GPD1: variants seen among roughly 807,000 people sequenced by gnomAD.
GPD1 encodes glycerol-3-phosphate dehydrogenase [NAD(+)], cytoplasmic.
A neutral mutation model predicts 34.4 loss-of-function variants in GPD1; 19 were observed. The observed-to-expected ratio is 0.55, with a 90% CI of 0.39 to 0.81. GPD1 has a LOEUF of 0.81. Ranked by LOEUF, GPD1 falls within the 30% of genes least tolerant of loss-of-function variation. The pLI is 0.00. For synonymous variants in GPD1, 172 were observed against 174.1 expected (o/e 0.99, Z 0.09); for missense variants, 429 against 447.0 (o/e 0.96, Z 0.36).
chr12:50,104,889 C>T (rs1950967905), intron 2 of GPD1, 138 bp downstream of exon 2: 1 of 665,948 alleles, frequency 1.5e-6, no homozygotes, highest in Non-Finnish European at 2.6e-6. Flanking sequence ...AGGAGGGCTG[C>T]TCTGGGCCCT....
At chr12:50,105,402 A>G (rs899416667) in intron 2 of GPD1, 146 bp from the exon 3 acceptor site, 39 of 727,658 alleles carry the variant, frequency 5.4e-5, no homozygotes, top group Non-Finnish European at 6.7e-6. Flanking sequence ...TTATTCCTCC[A>G]AGTTCAGTCC....
Position 50,110,595 on chromosome 12 carries a change from G to A in GPD1, c.*1076G>A, listed in dbSNP as rs1470797435. On this transcript the variant is annotated 3_prime_UTR_variant, in exon 8 of 8. Transcript: ENST00000301149. ...CTGGCATCTGGAAGCCAGCAGGCCA[G>A]AGGGTGGCCCAAAGGCTGATGAACG... 1 of 152,604 alleles carries A rather than the reference G, an allele frequency of 6.6e-6. No individual in the cohort carries two copies. The highest frequency in any genetic ancestry group is 1.5e-5 in the Non-Finnish European group (1 of 68,144). The allele number at this position is 152,604 out of a possible 1,614,324, so 9.5% of individuals were successfully genotyped here.
At chr12:50,105,877 G>T in intron 3 of GPD1, 189 bp downstream of exon 3, 1 of 714,090 alleles carries the variant, frequency 1.4e-6, no homozygotes, top group South Asian at 1.5e-5. Context: ...AAGGGAGGCT[G>T]AAGGGAGGAG....
At chr12:50,107,038 A>G (rs1482625078) in intron 5 of GPD1, 121 bp downstream of exon 5, 3 of 724,782 alleles carry the variant, frequency 4.1e-6, no homozygotes, top group African/African-American at 1.7e-5. Context: ...CCCCTTTCCT[A>G]CCATGTCCCA....
chr12:50,107,485 C>G, intron 5 of GPD1, 82 bp from the exon 6 acceptor site: 1 of 1,049,122 alleles, frequency 9.5e-7, no homozygotes, highest in Non-Finnish European at 1.5e-6. Context: ...GGTGTCACGG[C>G]TGATGAAATG....
Position 50,106,423 on chromosome 12 carries a change from A to G in GPD1, c.496A>G (p.Ile166Val). 1 of 1,613,676 alleles carries G rather than the reference A, an allele frequency of 6.2e-7. No individual in the cohort carries two copies. Among genetic ancestry groups the G allele is most frequent in the South Asian group, 1.1e-5 (1 of 91,072 alleles). ...TGATGAGAAGTTCTGTGAGACAACC[A>G]TTGGTGAGAGCCCCCTGGCACCTGC... ...VADEKFCETT[I>V]GCKDPAQGQL... The change falls in exon 4 of 8, where the codon ATT (isoleucine) becomes GTT (valine). Residue 166 changes from isoleucine (I) to valine (V), a missense_variant. Coordinates refer to ENST00000301149, the MANE Select transcript of GPD1 (RefSeq NM_005276.4).
chr12:50,104,020 A>G lies in GPD1; in HGVS notation c.-31A>G, dbSNP rs1950960058. The G allele has an allele frequency of 6.2e-7, 1 of 1,613,214 alleles. No homozygotes were observed. The highest frequency in any genetic ancestry group is 8.5e-7 in the Non-Finnish European group (1 of 1,179,260). ...CGGCAGAGGAGCTAGGGAGTGTGGC[A>G]CTGAGCCGGCTCAGGCAGAGACGCG... On this transcript the variant is annotated 5_prime_UTR_variant, in exon 1 of 8. Transcript: ENST00000301149.
intron 3 of GPD1, 157 bp downstream of exon 3, chr12:50,105,845 G>A (rs1162762614): frequency 1.3e-6 from 1 of 781,090 alleles, no homozygotes; most frequent in East Asian, 2.7e-5. Flanking sequence ...TAGGAAAGCA[G>A]TGAGGTGCTG....
At chr12:50,106,967 A>C (rs1206787334) in intron 5 of GPD1, 50 bp downstream of exon 5, 2 of 1,150,474 alleles carry the variant, frequency 1.7e-6, no homozygotes, top group Non-Finnish European at 2.6e-6. Flanking sequence ...GCCCCAAAGG[A>C]GGTCTGGCTG....
rs752239622 is a variant in GPD1, at chr12:50,105,592, C to T, written c.264C>T (p.Ile88=). The change falls in exon 3 of 8, where the codon ATC becomes ATT. Residue 88 remains isoleucine (I), a synonymous_variant. Coordinates refer to ENST00000301149, the MANE Select transcript of GPD1 (RefSeq NM_005276.4). Reference sequence around the variant, plus strand: ...TCCAGGCTGCAGAGGATGCTGACATCCTGATCTTTGTGGTGCCCCATCAGT... The same window carrying T: ...TCCAGGCTGCAGAGGATGCTGACATTCTGATCTTTGTGGTGCCCCATCAGT... ...DVVQAAEDAD[I]LIFVVPHQFI... The T allele has an allele frequency of 5.6e-6, 9 of 1,614,058 alleles. No homozygotes were observed. In the African/African-American group the frequency reaches 6.7e-5, roughly 12 times the overall value.
At chr12:50,106,187 G>A in intron 3 of GPD1, 101 bp from the exon 4 acceptor site, 1 of 1,087,406 alleles carries the variant, frequency 9.2e-7, no homozygotes, top group Non-Finnish European at 1.3e-6. Context: ...CTGTCGGGAG[G>A]GACACAGATG....
rs1444832664 is a variant in GPD1, at chr12:50,111,280, T to G, written c.*1761T>G. Reference sequence around the variant, plus strand: ...ACTCAGGCCTTCCCATCAGGCCTATTTGTCTACCCAATAAAGCGTGTTTTT... The same window carrying G: ...ACTCAGGCCTTCCCATCAGGCCTATGTGTCTACCCAATAAAGCGTGTTTTT... On this transcript the variant is annotated 3_prime_UTR_variant, in exon 8 of 8. Transcript: ENST00000301149. The surrounding 1 kb of genome is among the most constrained non-coding windows in gnomAD (Gnocchi z 4.1). 6.6e-6 allele frequency: 1 copy of G among 152,238 alleles called. No individual in the cohort carries two copies. The highest frequency in any genetic ancestry group is 2.1e-4 in the South Asian group (1 of 4,828). 9.4% of individuals were successfully genotyped at this position (152,238 alleles called of 1,614,324 possible). A position where few individuals can be genotyped will look rare whatever the true frequency, so the allele number is the denominator to read the frequency against.
At chr12:50,109,112 G>A (rs567028546) in intron 7 of GPD1, among the ~76,000 whole-genome samples, 1 of 145,724 alleles carries the variant, frequency 6.9e-6, no homozygotes, top group African/African-American at 2.5e-5. Context: ...TCCAGCCTAG[G>A]CGACAGAGCG....
At chr12:50,107,233 C>T (rs368276269) in intron 5 of GPD1, 3 of 650,412 alleles carry the variant, frequency 4.6e-6, no homozygotes, top group East Asian at 6.2e-5. Flanking sequence ...GACAAAACAT[C>T]CTTGACACCC....
Position 50,104,595 on chromosome 12 carries a change from C to T in GPD1, c.63C>T (p.Ile21=), listed in dbSNP as rs772952491. The change falls in exon 2 of 8, where the codon ATC becomes ATT. Residue 21 remains isoleucine (I), a synonymous_variant. Transcript: ENST00000301149. ...SGNWGSAIAK[I]VGGNAAQLAQ... ...CCAGGGGCTCAGCCATCGCCAAGATCGTGGGTGGCAATGCAGCCCAGCTGG... is the reference window on the plus strand; with the variant it reads ...CCAGGGGCTCAGCCATCGCCAAGATTGTGGGTGGCAATGCAGCCCAGCTGG... 26 of 1,613,442 alleles carry T rather than the reference C, an allele frequency of 1.6e-5. 1 individual carries two copies. In the Admixed American group the frequency reaches 1.7e-4, roughly 10 times the overall value.
chr12:50,107,137 T>C (rs2137923308), intron 5 of GPD1: 1 of 683,950 alleles, frequency 1.5e-6, no homozygotes, highest in South Asian at 1.5e-5. Context: ...CTTGCTCCTG[T>C]CCCATTTTAG....
At chr12:50,106,670 G>A (rs1027076799) in intron 4 of GPD1, 135 bp from the exon 5 acceptor site, 1 of 660,194 alleles carries the variant, frequency 1.5e-6, no homozygotes, top group African/African-American at 1.8e-5. Context: ...TACTTAAGAG[G>A]CTGAGGTGGG....
chr12:50,107,533 G>T, intron 5 of GPD1, 34 bp from the exon 6 acceptor site: 1 of 1,511,084 alleles, frequency 6.6e-7, no homozygotes, highest in African/African-American at 1.4e-5. Flanking sequence ...ATAGGAGGGG[G>T]TCTTTTCTCA....
chr12:50,104,186 C>T (rs910334911), intron 1 of GPD1, 95 bp downstream of exon 1: 5 of 1,152,348 alleles, frequency 4.3e-6, no homozygotes, highest in Non-Finnish European at 6.6e-6. Flanking sequence ...CCTCAGGTTC[C>T]TGTTCAGCCC....
Sources: gnomAD v4.1 joint callset for allele counts (sites outside exome capture counted in the v4.1 genomes callset) on GRCh38, gnomAD v4.1.1 for gene constraint, Gnocchi (gnomAD v3.1) non-coding constraint, MANE v1.5 for transcripts, NCBI Gene and HGNC (gene_info 2026-07-23, HGNC 2026-07-21) for gene names.